CEP112: variants seen among roughly 807,000 people sequenced by gnomAD.
The protein encoded by CEP112 is centrosomal protein of 112 kDa.
A neutral mutation model predicts 153.0 loss-of-function variants in CEP112; 127 were observed. The ratio of observed to expected loss-of-function variants is 0.83; its 90% CI spans 0.72 to 0.96. The LOEUF is 0.96. Ranked by LOEUF, CEP112 falls within the 40% of genes least tolerant of loss-of-function variation. CEP112 has a pLI of 0.00. For synonymous variants in CEP112, 358 were observed against 374.4 expected (o/e 0.96, Z 0.51); for missense variants, 1,089 against 1,101.2 (o/e 0.99, Z 0.16).
chr17:65,738,300 T>A (rs2050921203), intron 23 of CEP112, among the ~76,000 whole-genome samples: 1 of 152,114 alleles, frequency 6.6e-6, no homozygotes, highest in Admixed American at 6.6e-5. Context: ...ACTACTACTA[T>A]CCAAGGTAGG....
At chr17:66,016,727 T>A (rs540438223) in intron 16 of CEP112, among the ~76,000 whole-genome samples, 1 of 152,284 alleles carries the variant, frequency 6.6e-6, no homozygotes, top group Non-Finnish European at 1.5e-5. Flanking sequence ...ACCAGTAGTT[T>A]CCCCTCTATT....
chr17:65,951,595 C>G (rs2061829947), intron 18 of CEP112, among the ~76,000 whole-genome samples: 1 of 152,082 alleles, frequency 6.6e-6, no homozygotes. Flanking sequence ...CTAACTTTGG[C>G]AATTTCTAAC....
chr17:65,715,988 G>A (rs2049487793), intron 23 of CEP112, among the ~76,000 whole-genome samples: 1 of 152,164 alleles, frequency 6.6e-6, no homozygotes, highest in African/African-American at 2.4e-5. Context: ...TTCTAAGCAT[G>A]TAGTTTTATT....
chr17:65,673,299 G>T (rs1310117878), intron 24 of CEP112, among the ~76,000 whole-genome samples: 3 of 152,122 alleles, frequency 2.0e-5, no homozygotes, highest in Admixed American at 1.3e-4. Context: ...ATGGCGCAAT[G>T]GTTCTTAGGC....
intron 18 of CEP112, among the ~76,000 whole-genome samples, chr17:65,946,803 G>C (rs989952747): frequency 6.6e-6 from 1 of 151,820 alleles, no homozygotes; most frequent in Non-Finnish European, 1.5e-5. Flanking sequence ...TTATAACATG[G>C]AGACTTCAAA....
chr17:66,048,691 CCT>C (rs1284799671), intron 12 of CEP112, among the ~76,000 whole-genome samples: 1 of 151,828 alleles, frequency 6.6e-6, no homozygotes, highest in African/African-American at 2.4e-5. Flanking sequence ...CTCACTGTAA[CCT>C]CTGTCTCCTG....
intron 17 of CEP112, among the ~76,000 whole-genome samples, chr17:65,997,956 T>C (rs1037577901): frequency 6.6e-6 from 1 of 152,190 alleles, no homozygotes; most frequent in Non-Finnish European, 1.5e-5. Flanking sequence ...TCAGCTTTTA[T>C]TGAAAGTCAA....
intron 6 of CEP112, among the ~76,000 whole-genome samples, chr17:66,098,343 C>A (rs1490260977): frequency 6.6e-6 from 1 of 152,118 alleles, no homozygotes; most frequent in East Asian, 1.9e-4. Flanking sequence ...TTTTAACATC[C>A]TGGAGTGTAC....
At chr17:65,715,429 G>A (rs1436793670) in intron 23 of CEP112, among the ~76,000 whole-genome samples, 4 of 151,958 alleles carry the variant, frequency 2.6e-5, no homozygotes, top group Non-Finnish European at 4.4e-5. Context: ...AGAAGAGGCA[G>A]CAAATGTATT....
At chr17:65,905,406 A>G (rs1374445117) in intron 19 of CEP112, among the ~76,000 whole-genome samples, 1 of 152,246 alleles carries the variant, frequency 6.6e-6, no homozygotes, top group Non-Finnish European at 1.5e-5. Context: ...ATGAGATAAC[A>G]TCTCATGCCA....
chr17:65,987,105 A>C (rs1488675369), intron 17 of CEP112, among the ~76,000 whole-genome samples: 3 of 152,184 alleles, frequency 2.0e-5, no homozygotes, highest in Non-Finnish European at 4.4e-5. Context: ...ATATACCATC[A>C]AAATAATCTA....
At chr17:65,949,469 G>A (rs72845447) in intron 18 of CEP112, among the ~76,000 whole-genome samples, 2 of 152,316 alleles carry the variant, frequency 1.3e-5, no homozygotes, top group Non-Finnish European at 2.9e-5. Flanking sequence ...GGCCTGGTGA[G>A]GGCTGCTCAG....
At chr17:65,915,601 T>C (rs1334189540) in intron 19 of CEP112, among the ~76,000 whole-genome samples, 1 of 151,840 alleles carries the variant, frequency 6.6e-6, no homozygotes, top group East Asian at 1.9e-4. Context: ...CTGGTCAACA[T>C]AGTGAAACCC....
intron 23 of CEP112, among the ~76,000 whole-genome samples, chr17:65,701,733 C>T (rs73336861): frequency 0.015 from 2,222 of 152,126 alleles, 57 homozygotes; most frequent in African/African-American, 0.051. Flanking sequence ...CATAATTTTC[C>T]CCCTCAACCA....
At chr17:65,696,492 A>G (rs1005067429) in intron 23 of CEP112, among the ~76,000 whole-genome samples, 2 of 152,174 alleles carry the variant, frequency 1.3e-5, no homozygotes, top group African/African-American at 4.8e-5. Flanking sequence ...CCCTATATAA[A>G]TACAAAACTG....
At chr17:65,698,092 A>T (rs1205967186) in intron 23 of CEP112, among the ~76,000 whole-genome samples, 1 of 152,154 alleles carries the variant, frequency 6.6e-6, no homozygotes, top group Non-Finnish European at 1.5e-5. Context: ...AAAACAAAAC[A>T]AAACAAAAAA....
chr17:66,105,242 G>C (rs538673702), intron 6 of CEP112, among the ~76,000 whole-genome samples: 19 of 152,162 alleles, frequency 1.2e-4, no homozygotes, highest in African/African-American at 4.6e-4. Flanking sequence ...TAAATTACAT[G>C]CACATTTCAT....
chr17:65,889,970 T>TA (rs1173176266), intron 20 of CEP112, among the ~76,000 whole-genome samples: 1 of 152,178 alleles, frequency 6.6e-6, no homozygotes, highest in African/African-American at 2.4e-5. Flanking sequence ...TTATGGTCTC[T>TA]AAACTTTTTT....
chr17:66,042,969 A>G (rs2066048171), intron 12 of CEP112: 1 of 384,004 alleles, frequency 2.6e-6, no homozygotes, highest in Non-Finnish European at 3.6e-6. Context: ...CTATAAAATC[A>G]AATTCTAGCT....
Sources: gnomAD v4.1 joint callset for allele counts (sites outside exome capture counted in the v4.1 genomes callset) on GRCh38, gnomAD v4.1.1 for gene constraint, MANE v1.5 for transcripts, NCBI Gene and HGNC (gene_info 2026-07-23, HGNC 2026-07-21) for gene names.